Variants in ITPR1 observed in about 807,000 individuals in gnomAD.
ITPR1 encodes the protein inositol 1,4,5-trisphosphate receptor type 1.
Under a neutral mutation model 318.4 loss-of-function variants are expected in ITPR1, and 96 were observed. The observed-to-expected ratio is 0.30, with a 90% confidence interval of 0.26 to 0.36. The LOEUF (loss-of-function observed/expected upper bound fraction) is 0.36, where lower values mean the gene tolerates loss of function less well. ITPR1 is among the 10% of genes least tolerant of loss of function. The pLI is 1.00. For synonymous variants in ITPR1, 1,312 were observed against 1,289.9 expected, an observed-to-expected ratio of 1.02 and a Z score of -0.37; for missense variants, 2,440 against 3,460.2, an observed-to-expected ratio of 0.71 and a Z score of 7.40.
At chr3:4,521,168 T>C in intron 4 of ITPR1, 74 bp downstream of exon 4, 1 of 986,134 alleles carries the variant, frequency 1.0e-6, no homozygotes, top group South Asian at 1.4e-5. Context: ...TTGGTGTGTG[T>C]GTGTGTTTAT....
chr3:4,643,296 T>G (rs1039978469), intron 7 of ITPR1, among the ~76,000 whole-genome samples: 2 of 152,222 alleles, frequency 1.3e-5, no homozygotes, highest in Non-Finnish European at 2.9e-5. Flanking sequence ...AAATAGATGG[T>G]TTTTCATGTT....
At chr3:4,680,373 C>G (rs1236774275) in intron 24 of ITPR1, among the ~76,000 whole-genome samples, 180 bp from the exon 25 acceptor site, 1 of 152,118 alleles carries the variant, frequency 6.6e-6, no homozygotes, top group Non-Finnish European at 1.5e-5. Context: ...TTCATATGCC[C>G]CATGGAAGTC....
At chr3:4,844,639 T>C (rs1191702160) in intron 61 of ITPR1, among the ~76,000 whole-genome samples, 1 of 152,242 alleles carries the variant, frequency 6.6e-6, no homozygotes, top group Non-Finnish European at 1.5e-5. Flanking sequence ...TAGGTTCTCC[T>C]TCCTGAGCCG....
chr3:4,727,107 A>G lies in ITPR1; in HGVS notation c.5173-19A>G, dbSNP rs1290159827. On this transcript the variant is annotated intron_variant, in intron 41 of 61. Coordinates refer to ENST00000649015, the MANE Select transcript of ITPR1 (RefSeq NM_001378452.1). ...CTCCTTAGTGTTGTATTAAAATGGA[A>G]TTTCTGCATGCCTAGCAGGAGCTTG... 2 of 1,596,448 alleles carry G rather than the reference A, an allele frequency of 1.3e-6. No individual in the cohort carries two copies. The highest frequency in any genetic ancestry group is 1.1e-5 in the South Asian group (1 of 90,932).
At chr3:4,656,089 C>T (rs1324823444) in intron 12 of ITPR1, among the ~76,000 whole-genome samples, 1 of 152,116 alleles carries the variant, frequency 6.6e-6, no homozygotes, top group Non-Finnish European at 1.5e-5. Context: ...TTGCTTGGTG[C>T]CAGAGGGAGA....
At chr3:4,516,963 T>C (rs2124918190) in intron 3 of ITPR1, among the ~76,000 whole-genome samples, 1 of 152,204 alleles carries the variant, frequency 6.6e-6, no homozygotes, top group East Asian at 1.9e-4. Context: ...GGCTCTTCTT[T>C]TCAGATAGTG....
At chr3:4,543,865 G>A (rs304006) in intron 4 of ITPR1, among the ~76,000 whole-genome samples, 70,392 of 152,054 alleles carry the variant, frequency 0.46, 16,765 homozygotes, top group Non-Finnish European at 0.52. Flanking sequence ...AATATCTTAT[G>A]TAGTGAAAGT....
At chr3:4,686,658 T>A (rs970340204) in intron 30 of ITPR1, among the ~76,000 whole-genome samples, 9 of 152,204 alleles carry the variant, frequency 5.9e-5, no homozygotes, top group Admixed American at 2.0e-4. Context: ...CGCTTTTGTT[T>A]GCTTTTGGAT....
chr3:4,670,631 A>G (rs1222555104), intron 19 of ITPR1, 98 bp from the exon 20 acceptor site: 2 of 903,934 alleles, frequency 2.2e-6, no homozygotes, highest in Admixed American at 2.1e-5. Context: ...AATACAAAAC[A>G]AAAAGTGTCT....
At chr3:4,832,422 T>A (rs1036900159) in intron 60 of ITPR1, among the ~76,000 whole-genome samples, 8 of 152,116 alleles carry the variant, frequency 5.3e-5, no homozygotes, top group Admixed American at 4.6e-4. Context: ...CTTTGGGAGG[T>A]GGTGGTTGGA....
At chr3:4,568,876 C>A (rs2087678318) in intron 4 of ITPR1, among the ~76,000 whole-genome samples, 1 of 152,116 alleles carries the variant, frequency 6.6e-6, no homozygotes, top group Non-Finnish European at 1.5e-5. Context: ...CACAGTTCTG[C>A]AGTCTGTATA....
chr3:4,730,869 G>A (rs956326092), intron 42 of ITPR1, among the ~76,000 whole-genome samples: 4 of 152,056 alleles, frequency 2.6e-5, no homozygotes, highest in Admixed American at 6.6e-5. Flanking sequence ...TCAGATTCCC[G>A]TTGCGATGGC....
At chr3:4,589,522 G>T (rs1349795688) in intron 4 of ITPR1, among the ~76,000 whole-genome samples, 1 of 152,194 alleles carries the variant, frequency 6.6e-6, no homozygotes, top group Non-Finnish European at 1.5e-5. Flanking sequence ...GTAGTTTGCA[G>T]GCAATTGCAG....
chr3:4,597,421 G>A (rs1307183425), intron 4 of ITPR1, among the ~76,000 whole-genome samples: 2 of 152,202 alleles, frequency 1.3e-5, no homozygotes, highest in African/African-American at 2.4e-5. Context: ...AGATGATGAA[G>A]ACGTCATTTG....
chr3:4,740,685 T>TG (rs1457786190), intron 44 of ITPR1, among the ~76,000 whole-genome samples: 59 of 152,296 alleles, frequency 3.9e-4, no homozygotes, highest in African/African-American at 1.2e-3. Flanking sequence ...GCTCCTGCAA[T>TG]GGTGATAACA....
chr3:4,578,728 A>G (rs1353887944), intron 4 of ITPR1, among the ~76,000 whole-genome samples: 1 of 152,164 alleles, frequency 6.6e-6, no homozygotes, highest in African/African-American at 2.4e-5. Context: ...TGCCATACTG[A>G]GTTTCCAAGG....
rs544556942 is a variant in ITPR1, at chr3:4,641,808, A to T, written c.367-285A>T. The stretch of plus-strand genomic sequence containing the variant: ...TAGGTCCACCCCACTGACGGATGGC[A>T]GGTTATGATGGCACAGTTGACCTGA... On this transcript the variant is annotated intron_variant, in intron 6 of 61. Transcript: ENST00000649015. Among the ~76,000 whole-genome samples the T allele has an allele frequency of 2.0e-5, 3 of 152,380 alleles. No individual in the cohort carries two copies. The East Asian group carries it at 5.8e-4, about 29-fold the overall frequency.
At chr3:4,625,401 C>A (rs1481784126) in intron 4 of ITPR1, among the ~76,000 whole-genome samples, 2 of 152,002 alleles carry the variant, frequency 1.3e-5, no homozygotes, top group East Asian at 3.9e-4. Context: ...AGGACAATAG[C>A]TAGGTATTTA....
chr3:4,542,896 A>G (rs896824360), intron 4 of ITPR1, among the ~76,000 whole-genome samples: 3 of 152,178 alleles, frequency 2.0e-5, no homozygotes, highest in African/African-American at 7.2e-5. Context: ...TCCCTTCTAT[A>G]TAACTGCTTC....
Sources: allele counts gnomAD v4.1 joint callset (sites outside exome capture counted in the v4.1 genomes callset), GRCh38; gene constraint gnomAD v4.1.1; transcripts MANE v1.5; gene names NCBI Gene and HGNC (gene_info 2026-07-23, HGNC 2026-07-21).